EPHB3: variants seen among roughly 807,000 people sequenced by gnomAD.
The protein encoded by EPHB3 is ephrin type-B receptor 3.
A neutral mutation model predicts 100.2 loss-of-function variants in EPHB3; 33 were observed. That is an observed-to-expected ratio of 0.33 (90% CI 0.25 to 0.44). EPHB3 has a LOEUF of 0.44. Among genes scored for constraint, EPHB3 ranks in the 20% least tolerant of loss-of-function variants. EPHB3 has a pLI of 1.00. For synonymous variants in EPHB3, 526 were observed against 554.7 expected (o/e 0.95, Z 0.73); for missense variants, 1,045 against 1,378.3 (o/e 0.76, Z 3.83).
At position 184,572,908 on chromosome 3, in the gene EPHB3, G is replaced by A. The variant is rs1714576488; in HGVS notation, c.588G>A (p.Gln196=). The change falls in exon 3 of 16, where the codon CAG becomes CAA. Residue 196 remains glutamine (Q), a synonymous_variant. Coordinates refer to ENST00000330394, the MANE Select transcript of EPHB3 (RefSeq NM_004443.4). This position sits in a 1 kb window ranked among gnomAD's most constrained non-coding sequence, Gnocchi z 6.6. ...KAGFYLAFQD[Q]GACMSLISVR... ...GCTTCTACCTGGCCTTCCAGGACCA[G>A]GGCGCCTGCATGTCGCTCATCTCCG... 1 of 1,564,712 alleles carries A rather than the reference G, an allele frequency of 6.4e-7. No homozygotes were observed. Among genetic ancestry groups the A allele is most frequent in the Non-Finnish European group, 8.7e-7 (1 of 1,154,224 alleles).
In EPHB3 at chr3:184,579,581, G is replaced by C; in HGVS notation, c.1906G>C (p.Glu636Gln). 6.2e-7 allele frequency: 1 copy of C among 1,614,028 alleles called. No homozygotes were observed. Among genetic ancestry groups the C allele is most frequent in the Non-Finnish European group, 8.5e-7 (1 of 1,179,990 alleles). The part of the protein sequence containing the change: ...KEIDVSCVKI[E>Q]EVIGAGEFGE... ...GATCGACGTGTCCTGCGTCAAGATC[G>C]AGGAGGTGATCGGAGCTGGTGAGTC... Residue 636 changes from glutamate to glutamine, a missense_variant, in exon 10 of 16, where the codon GAG (glutamate) becomes CAG (glutamine). Transcript: ENST00000330394. This position sits in a 1 kb window ranked among gnomAD's most constrained non-coding sequence, Gnocchi z 5.2.
rs1714728788 is a variant in EPHB3, at chr3:184,578,145, G to A, written c.1748+139G>A. ...AGCCCTCCTGGGGCCAGCCGTTGCT[G>A]GAGAAGCCCTCTCCCATCCCTGCCT... On this transcript the variant is annotated intron_variant, in intron 8 of 15. Transcript: ENST00000330394. This position sits in a 1 kb window ranked among gnomAD's most constrained non-coding sequence, Gnocchi z 4.7. 1.0e-6 allele frequency: 1 copy of A among 977,424 alleles called. No individual in the cohort carries two copies. The highest frequency in any genetic ancestry group is 1.5e-6 in the Non-Finnish European group (1 of 673,892). 60.5% of individuals were successfully genotyped at this position (977,424 alleles called of 1,614,324 possible). A position where few individuals can be genotyped will look rare whatever the true frequency, so the allele number is the denominator to read the frequency against.
At chr3:184,574,780 TGCAGGTCCCCG>T in intron 3 of EPHB3, among the ~76,000 whole-genome samples, 1 of 152,312 alleles carries the variant, frequency 6.6e-6, no homozygotes, top group East Asian at 1.9e-4. Context: ...GCTAACACTC[TGCAGGTCCCCG>T]GCAGGAAATG....
intron 1 of EPHB3, among the ~76,000 whole-genome samples, chr3:184,566,883 T>C (rs1714397849): frequency 6.6e-6 from 1 of 152,196 alleles, no homozygotes; most frequent in South Asian, 2.1e-4. Flanking sequence ...GTTTGTTTGT[T>C]TTCTGGGTCT....
Position 184,578,372 on chromosome 3 carries a change from A to T in EPHB3, c.1749-42A>T. On this transcript the variant is annotated intron_variant, in intron 8 of 15. Coordinates refer to ENST00000330394, the MANE Select transcript of EPHB3 (RefSeq NM_004443.4). This position sits in a 1 kb window ranked among gnomAD's most constrained non-coding sequence, Gnocchi z 4.7. ...GGGTGCCCTGAACAAAGGGAGGCAGATGACTTGTCTCAGGCCTGCCCTCCA... is the reference window on the plus strand; with the variant it reads ...GGGTGCCCTGAACAAAGGGAGGCAGTTGACTTGTCTCAGGCCTGCCCTCCA... 1 of 1,613,458 alleles carries T rather than the reference A, an allele frequency of 6.2e-7. No homozygotes were observed. The highest frequency in any genetic ancestry group is 8.5e-7 in the Non-Finnish European group (1 of 1,179,774).
Position 184,580,952 on chromosome 3 carries a change from T to C in EPHB3, c.2539-20T>C. The stretch of plus-strand genomic sequence containing the variant: ...GATCATGGCAGTGGCTCACTCAGGG[T>C]TTCCCTGCCTTCGGCCCAGGTCATC... On this transcript the variant is annotated intron_variant, in intron 13 of 15. Coordinates refer to ENST00000330394, the MANE Select transcript of EPHB3 (RefSeq NM_004443.4). 6.2e-7 allele frequency: 1 copy of C among 1,607,382 alleles called. No homozygotes were observed.
rs1372211311 is a variant in EPHB3, at chr3:184,575,914, C to T, written c.941C>T (p.Ala314Val). The change falls in exon 4 of 16, where the codon GCC (alanine) becomes GTC (valine). Residue 314 changes from alanine to valine, a missense_variant. Ala to Val is a moderately conservative substitution (Grantham distance 64). This residue lies in a region of EPHB3 where 985 missense variants were observed against 1,331.1 expected (regional missense o/e 0.74). Transcript: ENST00000330394. ...CPPNSRTTSP[A>V]ASICTCHNNF... ...CCCAACAGCCGTACCACCTCCCCAG[C>T]CGCCAGCATCTGCACCTGCCACAAT... 1 of 1,613,728 alleles carries T rather than the reference C, an allele frequency of 6.2e-7. No homozygotes were observed. Among genetic ancestry groups the T allele is most frequent in the Non-Finnish European group, 8.5e-7 (1 of 1,179,926 alleles).
chr3:184,580,678 TG>T (rs771104739), intron 12 of EPHB3, 50 bp from the exon 13 acceptor site: 118 of 1,609,722 alleles, frequency 7.3e-5, no homozygotes, highest in Admixed American at 2.0e-4. Flanking sequence ...GGCTCGGGCC[TG>T]GGGGGCAGCC....
In EPHB3 at chr3:184,562,332, G is replaced by T; in HGVS notation, c.97G>T (p.Ala33Ser). 2 of 1,241,080 alleles carry T rather than the reference G, an allele frequency of 1.6e-6. No homozygotes were observed. The highest frequency in any genetic ancestry group is 1.6e-5 in the African/African-American group (1 of 63,672). The allele number at this position is 1,241,080 out of a possible 1,614,324, so 76.9% of individuals were successfully genotyped here. ...LLLLPLLLLP[A>S]GCRALEETLM... Reference sequence around the variant, plus strand: ...GCTGCTGCCGCTGCTGCTGCTGCCCGCCGGCTGCCGGGCGCTGGAAGGTGA... The same window carrying T: ...GCTGCTGCCGCTGCTGCTGCTGCCCTCCGGCTGCCGGGCGCTGGAAGGTGA... Residue 33 changes from alanine to serine, a missense_variant, in exon 1 of 16, where the codon GCC (alanine) becomes TCC (serine). Transcript: ENST00000330394. This position sits in a 1 kb window ranked among gnomAD's most constrained non-coding sequence, Gnocchi z 4.8.
At position 184,573,749 on chromosome 3, in the gene EPHB3, C is replaced by T. The variant is rs1278200366; in HGVS notation, c.856+573C>T. Among the ~76,000 whole-genome samples, 2 of 145,010 alleles carry T rather than the reference C, an allele frequency of 1.4e-5. No individual in the cohort carries two copies. The highest frequency in any genetic ancestry group is 3.0e-5 in the Non-Finnish European group (2 of 66,664). On this transcript the variant is annotated intron_variant, in intron 3 of 15. Transcript: ENST00000330394. The surrounding 1 kb of genome is among the most constrained non-coding windows in gnomAD (Gnocchi z 4.5). Reference sequence around the variant, plus strand: ...TTTTTTTTTTTGAGATGGAGTTTCACAATTGTTGCCTAGGCTGGAGTGCAA... The same window carrying T: ...TTTTTTTTTTTGAGATGGAGTTTCATAATTGTTGCCTAGGCTGGAGTGCAA...
At chr3:184,564,510 G>T (rs539012106) in intron 1 of EPHB3, among the ~76,000 whole-genome samples, 1 of 152,220 alleles carries the variant, frequency 6.6e-6, no homozygotes, top group African/African-American at 2.4e-5. Context: ...TGTGTGCAAA[G>T]TGCTTAGCAT....
At chr3:184,570,955 T>TC (rs1413008629) in intron 1 of EPHB3, among the ~76,000 whole-genome samples, 2 of 145,130 alleles carry the variant, frequency 1.4e-5, no homozygotes, top group Non-Finnish European at 3.0e-5. Flanking sequence ...CTTCTTTCTT[T>TC]CTTTTTTTTT....
At chr3:184,575,129 G>T (rs1457471357) in intron 3 of EPHB3, 33 of 985,170 alleles carry the variant, frequency 3.3e-5, no homozygotes, top group Non-Finnish European at 3.9e-5. Context: ...CCTGTGTCCA[G>T]GGGCCCAAGG....
At chr3:184,570,191 G>A (rs1207261224) in intron 1 of EPHB3, among the ~76,000 whole-genome samples, 1 of 152,212 alleles carries the variant, frequency 6.6e-6, no homozygotes, top group Non-Finnish European at 1.5e-5. Context: ...CTGACTTGGA[G>A]GTTCACGGAA....
chr3:184,579,371 G>A lies in EPHB3; in HGVS notation c.1802-106G>A. ...GCTGGAGGATTAGGGCAGCAACACA[G>A]AGGAATATGGGGCTGGGCTCAGCAG... is the stretch of plus-strand genomic sequence containing the variant. On this transcript the variant is annotated intron_variant, in intron 9 of 15. Coordinates refer to ENST00000330394, the MANE Select transcript of EPHB3 (RefSeq NM_004443.4). The surrounding 1 kb of genome is among the most constrained non-coding windows in gnomAD (Gnocchi z 5.2). 6.6e-7 allele frequency: 1 copy of A among 1,521,502 alleles called. No individual in the cohort carries two copies. The highest frequency in any genetic ancestry group is 1.3e-5 in the South Asian group (1 of 77,954). The allele number at this position is 1,521,502 out of a possible 1,614,324, so 94.3% of individuals were successfully genotyped here.
In EPHB3 at chr3:184,581,515, G is replaced by C. The variant is rs1714821788; in HGVS notation, c.2890G>C (p.Asp964His). 1 of 1,612,904 alleles carries C rather than the reference G, an allele frequency of 6.2e-7. No individual in the cohort carries two copies. The highest frequency in any genetic ancestry group is 1.7e-5 in the Admixed American group (1 of 59,876). The change falls in exon 16 of 16, where the codon GAC becomes CAC. Residue 964 changes from aspartate to histidine, a missense_variant and splice_region_variant. This residue lies in a region of EPHB3 where 985 missense variants were observed against 1,331.1 expected (regional missense o/e 0.74). Coordinates refer to ENST00000330394, the MANE Select transcript of EPHB3 (RefSeq NM_004443.4). Reference sequence around the variant, plus strand: ...ATCCTAATTTGGCTCCACCTGCAGAGACCTGCTCCGTATTGGGGTCACCCT... The same window carrying C: ...ATCCTAATTTGGCTCCACCTGCAGACACCTGCTCCGTATTGGGGTCACCCT... ...FDLVAQMTAE[D>H]LLRIGVTLAG...
Position 184,573,173 on chromosome 3 carries a change from C to T in EPHB3, c.853C>T (p.Arg285Cys), listed in dbSNP as rs1381534970. 4.3e-6 allele frequency: 7 copies of T among 1,611,454 alleles called. No individual in the cohort carries two copies. Among genetic ancestry groups the T allele is most frequent in the African/African-American group, 1.3e-5 (1 of 74,922 alleles). The change falls in exon 3 of 16, where the codon CGC (arginine) becomes TGC (cysteine). Residue 285 changes from arginine to cysteine, a missense_variant. By Grantham distance (180) the Arg-to-Cys change is radical (BLOSUM62 -3). This residue lies in a region of EPHB3 where 985 missense variants were observed against 1,331.1 expected (regional missense o/e 0.74). Coordinates refer to ENST00000330394, the MANE Select transcript of EPHB3 (RefSeq NM_004443.4). This position sits in a 1 kb window ranked among gnomAD's most constrained non-coding sequence, Gnocchi z 4.5. Reference protein sequence around the residue: ...HEPAAKESQCRPCPPGSYKAK... With the variant: ...HEPAAKESQCCPCPPGSYKAK... ...GCCAGCTGCCAAGGAGTCCCAGTGC[C>T]GCCGTGAGTGGGGACTGTCCTGGGG...
chr3:184,581,391 G>A lies in EPHB3; in HGVS notation c.2871G>A (p.Val957=), dbSNP rs768079371. ...CGGGGTTTGCATCTTTTGACCTGGT[G>A]GCCCAGATGACGGCAGAGTAAGTGT... ...VSAGFASFDL[V]AQMTAEDLLR... is the part of the protein sequence containing the mutation. The change falls in exon 15 of 16, where the codon GTG becomes GTA. Residue 957 remains valine, a synonymous_variant. Transcript: ENST00000330394. The A allele has an allele frequency of 1.3e-6, 2 of 1,590,544 alleles. No individual in the cohort carries two copies.
chr3:184,577,585 G>GGGGGCATGTGGCAT lies in EPHB3; in HGVS notation c.1480-72_1480-71insGGGCATGTGGCATG. ...TTGGGTATGGAGGGGGCATGTGGCA[G>GGGGGCATGTGGCAT]GCCTGGGTGTGAATAGGGGCTGGTT... On this transcript the variant is annotated intron_variant, in intron 6 of 15. Transcript: ENST00000330394. The surrounding 1 kb of genome is among the most constrained non-coding windows in gnomAD (Gnocchi z 4.9). The GGGGGCATGTGGCAT allele has an allele frequency of 6.4e-7, 1 of 1,572,260 alleles. No homozygotes were observed. The highest frequency in any genetic ancestry group is 8.6e-7 in the Non-Finnish European group (1 of 1,156,710).
Sources: allele counts gnomAD v4.1 joint callset (sites outside exome capture counted in the v4.1 genomes callset), GRCh38; gene constraint gnomAD v4.1.1; regional missense constraint gnomAD v4.1.1; non-coding constraint Gnocchi (gnomAD v3.1); transcripts MANE v1.5; gene names NCBI Gene and HGNC (gene_info 2026-07-23, HGNC 2026-07-21).